Variants in QTMAN observed in about 807,000 individuals in gnomAD.
QTMAN encodes tRNA-queuosine alpha-mannosyltransferase.
chr2:144,067,292 GGTT>G, the QTMAN span, among the ~76,000 whole-genome samples: 2 of 152,064 alleles, frequency 1.3e-5, no homozygotes, highest in Admixed American at 1.3e-4. Flanking sequence ...CAAAATTTAA[GGTT>G]TTTTAAATTG....
At chr2:143,952,994 G>A in the QTMAN span, 7 of 591,332 alleles carry the variant, frequency 1.2e-5, no homozygotes, top group African/African-American at 3.8e-5. Flanking sequence ...AAAAGCCAAA[G>A]TTGCTCTTTT....
At chr2:144,132,121 T>C in the QTMAN span, among the ~76,000 whole-genome samples, 8 of 151,932 alleles carry the variant, frequency 5.3e-5, no homozygotes, top group Admixed American at 5.3e-4. Context: ...GATTAAAAAC[T>C]CTGTCTTATT....
the QTMAN span, among the ~76,000 whole-genome samples, chr2:144,203,235 AGT>A: frequency 1.3e-5 from 2 of 151,870 alleles, no homozygotes; most frequent in African/African-American, 4.8e-5. Context: ...GAAACAGAAG[AGT>A]GGGGGAGAGA....
At chr2:144,301,932 AAG>A in the QTMAN span, among the ~76,000 whole-genome samples, 2 of 152,212 alleles carry the variant, frequency 1.3e-5, no homozygotes, top group Non-Finnish European at 2.9e-5. Flanking sequence ...AAATAAGTGG[AAG>A]AGTGTATAAA....
chr2:144,015,623 A>G, the QTMAN span, among the ~76,000 whole-genome samples: 1 of 152,210 alleles, frequency 6.6e-6, no homozygotes, highest in Non-Finnish European at 1.5e-5. Flanking sequence ...AATGCATTAT[A>G]CCTTTCAACA....
At chr2:144,133,166 A>AAATT in the QTMAN span, among the ~76,000 whole-genome samples, 3 of 46,890 alleles carry the variant, frequency 6.4e-5, no homozygotes, top group Non-Finnish European at 1.1e-4. Flanking sequence ...AATATAATAT[A>AAATT]TATATAAATA....
the QTMAN span, among the ~76,000 whole-genome samples, chr2:144,089,441 T>C: frequency 6.6e-6 from 1 of 152,028 alleles, no homozygotes; most frequent in African/African-American, 2.4e-5. Flanking sequence ...TTCCCACTAC[T>C]AGGTATCTAC....
chr2:144,331,158 G>T, the QTMAN span, among the ~76,000 whole-genome samples: 1 of 152,092 alleles, frequency 6.6e-6, no homozygotes. Flanking sequence ...AGGACCCTAA[G>T]GAAAATGTAT....
chr2:143,977,576 G>A, the QTMAN span, among the ~76,000 whole-genome samples: 1 of 152,234 alleles, frequency 6.6e-6, no homozygotes, highest in Admixed American at 6.5e-5. Context: ...GCATAAAAGC[G>A]GAAGTGTGGC....
chr2:143,953,303 G>GA, the QTMAN span, among the ~76,000 whole-genome samples: 1 of 151,800 alleles, frequency 6.6e-6, no homozygotes, highest in Non-Finnish European at 1.5e-5. Flanking sequence ...AAAAGCATCA[G>GA]AAAAAAATTT....
the QTMAN span, among the ~76,000 whole-genome samples, chr2:144,092,909 G>GTGTT: frequency 6.6e-6 from 1 of 151,174 alleles, no homozygotes. Context: ...GTGTGTGTGT[G>GTGTT]TAGGAAACAC....
At chr2:144,219,000 G>C in the QTMAN span, among the ~76,000 whole-genome samples, 1 of 150,916 alleles carries the variant, frequency 6.6e-6, no homozygotes. Context: ...GAAGAAAGAG[G>C]AATTTCCATA....
the QTMAN span, among the ~76,000 whole-genome samples, chr2:144,101,394 T>TCTCACA: frequency 7.5e-4 from 112 of 150,234 alleles, no homozygotes; most frequent in African/African-American, 2.6e-3. Context: ...TATCTCTCTC[T>TCTCACA]CACACACACA....
At chr2:144,201,611 T>C in the QTMAN span, among the ~76,000 whole-genome samples, 1 of 152,216 alleles carries the variant, frequency 6.6e-6, no homozygotes, top group East Asian at 1.9e-4. Context: ...GCTTGCTGTG[T>C]GCTAGCGCCA....
chr2:144,304,481 G>A, the QTMAN span, among the ~76,000 whole-genome samples: 4 of 152,046 alleles, frequency 2.6e-5, no homozygotes, highest in African/African-American at 4.8e-5. Context: ...AGAAAAATGT[G>A]ACTCATAACT....
the QTMAN span, among the ~76,000 whole-genome samples, chr2:144,153,428 G>A: frequency 6.6e-6 from 1 of 152,176 alleles, no homozygotes; most frequent in Non-Finnish European, 1.5e-5. Flanking sequence ...AGTTCCTTTA[G>A]GCTGGGCACG....
the QTMAN span, among the ~76,000 whole-genome samples, chr2:144,110,147 T>A: frequency 6.6e-6 from 1 of 152,086 alleles, no homozygotes; most frequent in African/African-American, 2.4e-5. Flanking sequence ...AACCCAGATG[T>A]CCAACAATGA....
chr2:144,010,637 CTGA>C, the QTMAN span, among the ~76,000 whole-genome samples: 1 of 151,920 alleles, frequency 6.6e-6, no homozygotes, highest in East Asian at 1.9e-4. Context: ...TGTGCAAATG[CTGA>C]TGTCATCTGG....
the QTMAN span, among the ~76,000 whole-genome samples, chr2:144,216,226 T>A: frequency 5.3e-4 from 80 of 152,332 alleles, no homozygotes; most frequent in African/African-American, 1.8e-3. Flanking sequence ...AGCCTTTCCC[T>A]GAACTCCTCC....
Sources: gnomAD v4.1 joint callset for allele counts (sites outside exome capture counted in the v4.1 genomes callset) on GRCh38, gnomAD v4.1.1 for gene constraint, MANE v1.5 for transcripts, NCBI Gene and HGNC (gene_info 2026-07-23, HGNC 2026-07-21) for gene names.